Variants in GALNTL6 observed in about 807,000 individuals in gnomAD.
GALNTL6 encodes the protein polypeptide N-acetylgalactosaminyltransferase-like 6.
GALNTL6 carries 46 observed loss-of-function variants against 73.7 expected under a neutral mutation model. That is an observed-to-expected ratio of 0.62 (90% CI 0.49 to 0.80). GALNTL6 has a LOEUF of 0.80. Ranked by LOEUF, GALNTL6 falls within the 30% of genes least tolerant of loss-of-function variation. The pLI, the probability that GALNTL6 is intolerant of heterozygous loss-of-function variation, is 0.00. For missense variants in GALNTL6, 604 were observed against 755.0 expected, an observed-to-expected ratio of 0.80 and a Z score of 2.34; for synonymous variants, 259 against 263.7, an observed-to-expected ratio of 0.98 and a Z score of 0.17.
intron 10 of GALNTL6, among the ~76,000 whole-genome samples, chr4:173,006,650 T>C (rs2126487547): frequency 6.6e-6 from 1 of 152,282 alleles, no homozygotes; most frequent in East Asian, 1.9e-4. Flanking sequence ...GCAAATCAGG[T>C]GCCTTCTGAC....
At chr4:172,308,672 A>G (rs1740245615) in intron 3 of GALNTL6, among the ~76,000 whole-genome samples, 2 of 152,164 alleles carry the variant, frequency 1.3e-5, no homozygotes, top group South Asian at 4.1e-4. Context: ...CTTTTTAAAT[A>G]GGATGTATGG....
At chr4:172,651,342 G>A (rs1740467861) in intron 5 of GALNTL6, among the ~76,000 whole-genome samples, 1 of 152,208 alleles carries the variant, frequency 6.6e-6, no homozygotes, top group Non-Finnish European at 1.5e-5. Flanking sequence ...GATTAGTGCT[G>A]TGAATGCAAT....
At chr4:172,523,137 G>C (rs920490896) in intron 5 of GALNTL6, among the ~76,000 whole-genome samples, 4 of 152,082 alleles carry the variant, frequency 2.6e-5, no homozygotes, top group African/African-American at 9.7e-5. Flanking sequence ...TATGTTGAGG[G>C]ACTCAGGATG....
intron 7 of GALNTL6, among the ~76,000 whole-genome samples, chr4:172,868,606 C>A (rs556014278): frequency 6.6e-6 from 1 of 152,130 alleles, no homozygotes; most frequent in Non-Finnish European, 1.5e-5. Flanking sequence ...ATTTATCTAG[C>A]TATTTCACTG....
chr4:172,779,437 A>G (rs1739260419), intron 5 of GALNTL6, among the ~76,000 whole-genome samples: 1 of 152,102 alleles, frequency 6.6e-6, no homozygotes, highest in Non-Finnish European at 1.5e-5. Context: ...TGCCGATCTG[A>G]CAGTAGGAAT....
At chr4:172,722,409 T>C (rs993528336) in intron 5 of GALNTL6, among the ~76,000 whole-genome samples, 5 of 152,184 alleles carry the variant, frequency 3.3e-5, no homozygotes, top group Admixed American at 3.3e-4. Flanking sequence ...GACAAATCTT[T>C]AGAATATTTT....
At chr4:172,160,915 C>T (rs994084030) in intron 2 of GALNTL6, among the ~76,000 whole-genome samples, 138 of 131,996 alleles carry the variant, frequency 1.0e-3, no homozygotes, top group African/African-American at 3.4e-3. Context: ...CACACATACA[C>T]ACACACACAC....
chr4:173,014,812 G>A (rs879489561), intron 11 of GALNTL6, among the ~76,000 whole-genome samples: 3 of 151,992 alleles, frequency 2.0e-5, no homozygotes, highest in Non-Finnish European at 2.9e-5. Flanking sequence ...TAATACAAAC[G>A]GACCCAGGCA....
intron 2 of GALNTL6, among the ~76,000 whole-genome samples, chr4:172,191,418 T>A (rs1287108598): frequency 1.3e-5 from 2 of 152,200 alleles, no homozygotes; most frequent in Non-Finnish European, 2.9e-5. Context: ...GCCATAGGGA[T>A]CTATGTAGAA....
intron 5 of GALNTL6, among the ~76,000 whole-genome samples, chr4:172,582,902 A>G (rs184936033): frequency 1.4e-3 from 217 of 152,326 alleles, no homozygotes; most frequent in Admixed American, 3.9e-3. Context: ...GCATCCTTCA[A>G]ATATCTATGT....
intron 2 of GALNTL6, among the ~76,000 whole-genome samples, chr4:171,826,523 G>T (rs1476936904): frequency 6.6e-6 from 1 of 151,996 alleles, no homozygotes; most frequent in Non-Finnish European, 1.5e-5. Context: ...TCCCCCTATT[G>T]GAGGGGGTAG....
chr4:172,878,422 A>G (rs1206699557), intron 7 of GALNTL6, among the ~76,000 whole-genome samples: 1 of 151,956 alleles, frequency 6.6e-6, no homozygotes, highest in African/African-American at 2.4e-5. Flanking sequence ...AACAAAAATA[A>G]TAATAATACA....
At chr4:172,290,173 A>C (rs979322034) in intron 3 of GALNTL6, among the ~76,000 whole-genome samples, 9 of 140,662 alleles carry the variant, frequency 6.4e-5, no homozygotes, top group Non-Finnish European at 1.1e-4. Context: ...GAAGAGAGTA[A>C]TTTTAATGAG....
intron 5 of GALNTL6, among the ~76,000 whole-genome samples, chr4:172,486,186 G>T (rs1045886641): frequency 6.6e-6 from 1 of 152,014 alleles, no homozygotes; most frequent in South Asian, 2.1e-4. Flanking sequence ...TAAAAAGAAG[G>T]CTCCCAGCAA....
At chr4:172,937,427 G>A (rs886832323) in intron 9 of GALNTL6, among the ~76,000 whole-genome samples, 1 of 152,142 alleles carries the variant, frequency 6.6e-6, no homozygotes, top group African/African-American at 2.4e-5. Flanking sequence ...GGAGGAAGAG[G>A]AAAGGGGAAG....
At chr4:172,859,074 A>C (rs1722377274) in intron 7 of GALNTL6, among the ~76,000 whole-genome samples, 1 of 152,010 alleles carries the variant, frequency 6.6e-6, no homozygotes. Context: ...GATAAAGGAA[A>C]AGAAAATGGG....
rs375450101 is a variant in GALNTL6 at position 172,239,979 on chromosome 4, G to A, written c.247+10215G>A. Among the ~76,000 whole-genome samples the A allele has an allele frequency of 3.7e-3, 569 of 152,180 alleles. 2 individuals are homozygous for A. The highest frequency in any genetic ancestry group is 0.013 in the African/African-American group (539 of 41,526). On this transcript the variant is annotated intron_variant, in intron 3 of 12. Coordinates refer to ENST00000506823, the MANE Select transcript of GALNTL6 (RefSeq NM_001034845.3). ...GTAGGTGACCTGCTCCTTCTCTTTA[G>A]CTGCATTTAATATTTTTGCTTTCAT...
intron 5 of GALNTL6, among the ~76,000 whole-genome samples, chr4:172,608,272 A>T (rs1263064560): frequency 6.6e-6 from 1 of 152,060 alleles, no homozygotes; most frequent in African/African-American, 2.4e-5. Flanking sequence ...TAGGTTTTAC[A>T]TTTAGGTCAC....
rs199709544 is a variant in GALNTL6, at chr4:172,480,144, GT to G, written c.553+131465del. 2.4e-4 allele frequency among the ~76,000 whole-genome samples: 36 copies of G among 148,892 alleles called. 1 individual carries two copies. Among genetic ancestry groups the G allele is most frequent in the South Asian group, 1.7e-3 (8 of 4,680 alleles). ...GTTCAAGACTATGTCTCTACAAAATGTTTTTTTTTTAAATTAGTCAGATGTG... is the reference window on the plus strand; with the variant it reads ...GTTCAAGACTATGTCTCTACAAAATGTTTTTTTTTAAATTAGTCAGATGTG... On this transcript the variant is annotated intron_variant, in intron 5 of 12. Transcript: ENST00000506823.
Sources: gnomAD v4.1 joint callset for allele counts (sites outside exome capture counted in the v4.1 genomes callset) on GRCh38, gnomAD v4.1.1 for gene constraint, MANE v1.5 for transcripts, NCBI Gene and HGNC (gene_info 2026-07-23, HGNC 2026-07-21) for gene names.